SNX25: variants seen among roughly 807,000 people sequenced by gnomAD.
SNX25 encodes the protein sorting nexin 25.
In SNX25, 62 loss-of-function variants were observed where a neutral mutation model predicts 113.7. The ratio of observed to expected loss-of-function variants is 0.55; its 90% CI spans 0.44 to 0.67. SNX25 has a LOEUF of 0.67. Ranked by LOEUF, SNX25 falls within the 30% of genes least tolerant of loss-of-function variation. The probability of loss-of-function intolerance (pLI) is 0.00; values close to 1 mark genes in which losing one functional copy is unlikely to be tolerated. For synonymous variants in SNX25, 421 were observed against 436.2 expected, an observed-to-expected ratio of 0.97 and a Z score of 0.43; for missense variants, 1,014 against 1,161.0, an observed-to-expected ratio of 0.87 and a Z score of 1.84.
downstream of SNX25, chr4:185,367,397 C>T (rs1257102025): frequency 3.2e-6 from 2 of 616,056 alleles, no homozygotes; most frequent in Non-Finnish European, 5.6e-6. Flanking sequence ...TTCTGATGTC[C>T]TACTTTAACC....
intron 9 of SNX25, among the ~76,000 whole-genome samples, chr4:185,331,763 A>G (rs752590162): frequency 1.3e-5 from 2 of 152,246 alleles, no homozygotes; most frequent in Non-Finnish European, 2.9e-5. Context: ...CCTGAGCAAC[A>G]GAGTAAGACT....
chr4:185,283,356 A>T (rs1372812729), intron 5 of SNX25, among the ~76,000 whole-genome samples: 1 of 152,246 alleles, frequency 6.6e-6, no homozygotes, highest in Non-Finnish European at 1.5e-5. Flanking sequence ...ATAAGAGTTA[A>T]CAGGATTTCA....
At chr4:185,274,890 C>T (rs1749438272) in intron 5 of SNX25, among the ~76,000 whole-genome samples, 1 of 152,132 alleles carries the variant, frequency 6.6e-6, no homozygotes, top group Non-Finnish European at 1.5e-5. Context: ...GGGATTTGAA[C>T]TGAGGTCGGC....
rs191548993 is a variant in SNX25, at chr4:185,298,495, A to C, written c.1162+10413A>C. ...TGTGATTTTTTTTAAAAAAATACAT[A>C]GCTTATGTCACCTTTGTATTTAAAA... On this transcript the variant is annotated intron_variant, in intron 6 of 18. Coordinates refer to ENST00000652585, the MANE Select transcript of SNX25 (RefSeq NM_001378034.2). Among the ~76,000 whole-genome samples the C allele has an allele frequency of 1.3e-4, 20 of 152,270 alleles. No individual in the cohort carries two copies. The East Asian group carries it at 3.9e-3, about 29-fold the overall frequency.
intron 7 of SNX25, among the ~76,000 whole-genome samples, chr4:185,316,398 G>T (rs2095074780): frequency 6.6e-6 from 1 of 152,198 alleles, no homozygotes; most frequent in Non-Finnish European, 1.5e-5. Context: ...GCAGAGTCAG[G>T]ATTGAAACCT....
intron 1 of SNX25, among the ~76,000 whole-genome samples, chr4:185,212,204 C>G (rs1367049425): frequency 6.6e-6 from 1 of 151,950 alleles, no homozygotes; most frequent in African/African-American, 2.4e-5. Flanking sequence ...TCTTGAACTC[C>G]TGAGCTCAAA....
intron 6 of SNX25, among the ~76,000 whole-genome samples, chr4:185,293,379 A>C (rs371342634): frequency 2.0e-5 from 3 of 152,252 alleles, no homozygotes; most frequent in African/African-American, 7.2e-5. Context: ...AAACAACCAA[A>C]TCACCATCAA....
chr4:185,303,918 A>G (rs1319366908), intron 6 of SNX25, among the ~76,000 whole-genome samples: 1 of 152,182 alleles, frequency 6.6e-6, no homozygotes, highest in Non-Finnish European at 1.5e-5. Flanking sequence ...TACCAGCCTC[A>G]GGTTGAAAAG....
At chr4:185,284,244 A>G (rs1159207770) in intron 5 of SNX25, among the ~76,000 whole-genome samples, 3 of 152,222 alleles carry the variant, frequency 2.0e-5, no homozygotes, top group Non-Finnish European at 4.4e-5. Flanking sequence ...AAATGTGTCA[A>G]CATTCTTTGA....
chr4:185,289,028 G>A, intron 6 of SNX25, among the ~76,000 whole-genome samples: 1 of 152,316 alleles, frequency 6.6e-6, no homozygotes, highest in Non-Finnish European at 1.5e-5. Flanking sequence ...TTGGGCTGGG[G>A]ACTTGGACCT....
rs1254309405 is a variant in SNX25, at chr4:185,264,514, A to G, written c.808A>G (p.Thr270Ala). Residue 270 changes from threonine (T) to alanine (A), a missense_variant, in exon 4 of 19, where the codon ACG becomes GCG. Physicochemically the swap from Thr to Ala is moderately conservative, Grantham distance 58 (BLOSUM62 0). Coordinates refer to ENST00000652585, the MANE Select transcript of SNX25 (RefSeq NM_001378034.2). Reference protein sequence around the residue: ...NSDDEVRFLQTCSRVLVFCLL... With the variant: ...NSDDEVRFLQACSRVLVFCLL... ...AGATGATGAAGTAAGATTTCTACAA[A>G]CGTGTTCTCGGGTTCTGGTGTTTTG... 2 of 1,613,906 alleles carry G rather than the reference A, an allele frequency of 1.2e-6. No individual in the cohort carries two copies. Among genetic ancestry groups the G allele is most frequent in the African/African-American group, 2.7e-5 (2 of 74,902 alleles).
chr4:185,301,484 C>T (rs1288557), intron 6 of SNX25, among the ~76,000 whole-genome samples: 64,006 of 151,378 alleles, frequency 0.42, 13,640 homozygotes, highest in East Asian at 0.54. Context: ...CTCTGCCACC[C>T]GGGTTCCAGT....
At chr4:185,226,368 G>A (rs532147937) in intron 1 of SNX25, among the ~76,000 whole-genome samples, 1 of 152,346 alleles carries the variant, frequency 6.6e-6, no homozygotes, top group South Asian at 2.1e-4. Flanking sequence ...TCTGGGAGAT[G>A]CTTTTAGGTA....
At chr4:185,218,823 C>A (rs187133383) in intron 1 of SNX25, among the ~76,000 whole-genome samples, 1 of 152,186 alleles carries the variant, frequency 6.6e-6, no homozygotes, top group Non-Finnish European at 1.5e-5. Context: ...GCTACAGTAA[C>A]CTGAATTTCT....
chr4:185,378,063 A>G, the SNX25 span: 3 of 1,589,148 alleles, frequency 1.9e-6, no homozygotes, highest in Non-Finnish European at 2.6e-6. Context: ...AGGGAAGCTT[A>G]AATATCAGGA....
downstream of SNX25, chr4:185,367,161 T>C (rs373381016): frequency 5.0e-5 from 80 of 1,601,348 alleles, no homozygotes; most frequent in Non-Finnish European, 6.3e-5. Context: ...TGATGATCTT[T>C]GTTGAAATAC....
chr4:185,297,769 T>C (rs748309556), intron 6 of SNX25, among the ~76,000 whole-genome samples: 11 of 152,140 alleles, frequency 7.2e-5, no homozygotes, highest in Non-Finnish European at 1.2e-4. Context: ...AGTCTTTCTC[T>C]TTGAATAAGG....
At chr4:185,222,247 C>T (rs74796676) in intron 1 of SNX25, among the ~76,000 whole-genome samples, 1 of 19,324 alleles carries the variant, frequency 5.2e-5, no homozygotes, top group African/African-American at 1.5e-4. Context: ...CCCTCCTTCG[C>T]GGTAGGTATA....
At chr4:185,371,380 A>C (rs913061861), downstream of SNX25, among the ~76,000 whole-genome samples, 1 of 149,074 alleles carries the variant, frequency 6.7e-6, no homozygotes, top group African/African-American at 2.6e-5. Context: ...TCTACTAAAA[A>C]AGATACAAAA....
Sources: gnomAD v4.1 joint callset for allele counts (sites outside exome capture counted in the v4.1 genomes callset) on GRCh38, gnomAD v4.1.1 for gene constraint, MANE v1.5 for transcripts, NCBI Gene and HGNC (gene_info 2026-07-23, HGNC 2026-07-21) for gene names.